The following UGGT2 variants were observed in gnomAD, a reference collection of about 807,000 sequenced individuals.
UGGT2 encodes UDP-glucose glycoprotein glucosyltransferase 2, also known as UDP-glucose:glycoprotein glucosyltransferase 2.
In UGGT2, 180 loss-of-function variants were observed where a neutral mutation model predicts 192.1. That is an observed-to-expected ratio of 0.94 (90% CI 0.83 to 1.06). The LOEUF (loss-of-function observed/expected upper bound fraction) is 1.06. Ranked by LOEUF, UGGT2 falls within the 50% of genes least tolerant of loss-of-function variation. The pLI is 0.00. For missense variants in UGGT2, 1,849 were observed against 1,795.7 expected (o/e 1.03, Z -0.54); for synonymous variants, 580 against 591.0 (o/e 0.98, Z 0.27).
At chr13:95,827,944 T>C (rs1886216954) in intron 38 of UGGT2, among the ~76,000 whole-genome samples, 1 of 152,136 alleles carries the variant, frequency 6.6e-6, no homozygotes, top group South Asian at 2.1e-4. Context: ...CATGAGAATA[T>C]AGTTTCTTCA....
intron 1 of UGGT2, among the ~76,000 whole-genome samples, chr13:96,040,061 T>G (rs2053121389): frequency 6.6e-6 from 1 of 152,206 alleles, no homozygotes; most frequent in African/African-American, 2.4e-5. Flanking sequence ...AATACCAAAC[T>G]TCTCAAAATT....
intron 11 of UGGT2, among the ~76,000 whole-genome samples, chr13:95,972,138 T>A (rs2050792050): frequency 3.4e-4 from 2 of 5,892 alleles, no homozygotes; most frequent in South Asian, 7.1e-3. Context: ...TTTGAAGAAT[T>A]TTTTTTTTTT....
At chr13:95,857,553 C>T (rs1055607693) in intron 33 of UGGT2, among the ~76,000 whole-genome samples, 38 of 152,228 alleles carry the variant, frequency 2.5e-4, no homozygotes, top group African/African-American at 8.9e-4. Context: ...GGAGGTTTGA[C>T]TTTTCTAAAC....
chr13:95,949,933 T>C (rs2050003547), intron 12 of UGGT2, among the ~76,000 whole-genome samples: 1 of 152,084 alleles, frequency 6.6e-6, no homozygotes, highest in African/African-American at 2.4e-5. Flanking sequence ...TAAACTGCTG[T>C]TTAGAGGCAT....
intron 1 of UGGT2, among the ~76,000 whole-genome samples, chr13:96,047,199 C>A (rs1443235310): frequency 6.6e-6 from 1 of 152,204 alleles, no homozygotes; most frequent in Non-Finnish European, 1.5e-5. Flanking sequence ...CCCCAAGTAG[C>A]CTAATGGGGA....
At chr13:95,922,657 C>CA (rs375120653) in intron 20 of UGGT2, among the ~76,000 whole-genome samples, 31 of 150,992 alleles carry the variant, frequency 2.1e-4, no homozygotes, top group African/African-American at 7.6e-4. Flanking sequence ...CCCGTCTCTA[C>CA]AAAAAAATAC....
intron 38 of UGGT2, among the ~76,000 whole-genome samples, chr13:95,823,727 T>C (rs1231500026): frequency 6.6e-6 from 1 of 152,146 alleles, no homozygotes; most frequent in Non-Finnish European, 1.5e-5. Context: ...ATTCTATATC[T>C]TTTAATTGGA....
intron 1 of UGGT2, among the ~76,000 whole-genome samples, chr13:96,041,009 C>T (rs1277790522): frequency 6.6e-6 from 1 of 152,180 alleles, no homozygotes; most frequent in East Asian, 1.9e-4. Context: ...CCGTTTTAGC[C>T]TCCCACTCAA....
At chr13:95,930,086 G>A (rs1046294971) in intron 17 of UGGT2, among the ~76,000 whole-genome samples, 1 of 152,272 alleles carries the variant, frequency 6.6e-6, no homozygotes. Context: ...GTCTTCTTTT[G>A]AGAAGTACCT....
At chr13:95,840,711 A>G (rs563055067) in intron 36 of UGGT2, among the ~76,000 whole-genome samples, 1 of 152,336 alleles carries the variant, frequency 6.6e-6, no homozygotes, top group East Asian at 1.9e-4. Flanking sequence ...GTATATACCC[A>G]AAGGATGATA....
At position 95,940,045 on chromosome 13, in the gene UGGT2, T is replaced by C. The variant is rs1364009833; in HGVS notation, c.1724A>G (p.Asn575Ser). 1.3e-6 allele frequency: 2 copies of C among 1,584,206 alleles called. No individual in the cohort carries two copies. Among genetic ancestry groups the C allele is most frequent in the South Asian group, 2.3e-5 (2 of 87,384 alleles). ...KKDQNILTVD[N>S]VKSVLQNTFP... is the part of the protein sequence containing the mutation. ...TGTATTTTGGAGAACACTCTTCACATTGTCCACAGTGAGTATATTTTGATC... is the reference window on the plus strand; with the variant it reads ...TGTATTTTGGAGAACACTCTTCACACTGTCCACAGTGAGTATATTTTGATC... Residue 575 changes from asparagine (N) to serine (S), a missense_variant, in exon 16 of 39, where the codon AAT (asparagine) becomes AGT (serine). Physicochemically the swap from Asn to Ser is conservative, Grantham distance 46 (BLOSUM62 1). Transcript: ENST00000376747.
intron 36 of UGGT2, among the ~76,000 whole-genome samples, chr13:95,852,723 A>C (rs1594150360): frequency 6.6e-6 from 1 of 152,294 alleles, no homozygotes; most frequent in East Asian, 1.9e-4. Flanking sequence ...TAAATTATCT[A>C]AAATGTTTCA....
chr13:95,826,831 T>C (rs1004165970), intron 38 of UGGT2, among the ~76,000 whole-genome samples: 6 of 151,668 alleles, frequency 4.0e-5, no homozygotes, highest in Non-Finnish European at 8.8e-5. Context: ...CAGAAAATTT[T>C]CTGAAACTAA....
chr13:95,989,765 A>C (rs541315250), intron 8 of UGGT2, among the ~76,000 whole-genome samples: 1 of 152,242 alleles, frequency 6.6e-6, no homozygotes, highest in Admixed American at 6.5e-5. Flanking sequence ...CACTTCATAT[A>C]ATTTTAAGTC....
At chr13:96,021,462 A>T (rs2052513422) in intron 4 of UGGT2, among the ~76,000 whole-genome samples, 1 of 152,372 alleles carries the variant, frequency 6.6e-6, no homozygotes, top group South Asian at 2.1e-4. Context: ...GATAATTCCT[A>T]TATTAACTCA....
intron 36 of UGGT2, among the ~76,000 whole-genome samples, chr13:95,844,127 A>AT (rs1255402650): frequency 2.0e-5 from 3 of 151,912 alleles, no homozygotes; most frequent in Admixed American, 6.6e-5. Flanking sequence ...TGCCCAGCTA[A>AT]TTTTTTATAC....
chr13:95,895,855 C>T (rs1335493349), intron 22 of UGGT2, among the ~76,000 whole-genome samples: 1 of 152,002 alleles, frequency 6.6e-6, no homozygotes, highest in Non-Finnish European at 1.5e-5. Flanking sequence ...ATAATACCAA[C>T]CAGTCTTCTT....
intron 36 of UGGT2, among the ~76,000 whole-genome samples, chr13:95,839,180 T>C (rs1461750450): frequency 6.6e-6 from 1 of 152,040 alleles, no homozygotes; most frequent in Non-Finnish European, 1.5e-5. Context: ...CCGACTGTTT[T>C]TTCATTTTAA....
chr13:95,943,311 A>C (rs1342140113), intron 15 of UGGT2, among the ~76,000 whole-genome samples: 1 of 152,096 alleles, frequency 6.6e-6, no homozygotes, highest in Non-Finnish European at 1.5e-5. Flanking sequence ...GAAGTGAAAT[A>C]TTTCTATTGA....
Sources: gnomAD v4.1 joint callset for allele counts (sites outside exome capture counted in the v4.1 genomes callset) on GRCh38, gnomAD v4.1.1 for gene constraint, MANE v1.5 for transcripts, NCBI Gene and HGNC (gene_info 2026-07-23, HGNC 2026-07-21) for gene names.